FRMPD4: variants seen among roughly 807,000 people sequenced by gnomAD.
FRMPD4 encodes FERM and PDZ domain-containing protein 4.
In FRMPD4, 22 loss-of-function variants were observed where a neutral mutation model predicts 94.1. That is an observed-to-expected ratio of 0.23 (90% CI 0.17 to 0.33). The LOEUF (loss-of-function observed/expected upper bound fraction) is 0.33. FRMPD4 is among the 10% of genes least tolerant of loss of function. The pLI, the probability that FRMPD4 is intolerant of heterozygous loss-of-function variation, is 1.00. For missense variants in FRMPD4, 1,111 were observed against 1,339.9 expected, an observed-to-expected ratio of 0.83 and a Z score of 2.67; for synonymous variants, 631 against 548.6, an observed-to-expected ratio of 1.15 and a Z score of -2.10.
At position 12,266,415 on chromosome X, in the gene FRMPD4, G is replaced by A. The variant is rs575814231; in HGVS notation, c.41+127403G>A. 9.0e-5 allele frequency among the ~76,000 whole-genome samples: 10 copies of A among 111,235 alleles called. No homozygotes were observed. The South Asian group carries it at 3.4e-3, about 38-fold the overall frequency. ...CTTATGATTCTTATCCTTCTGCTGG[G>A]ACCAGTGGGTCAGTGTAGACATGCC... On this transcript the variant is annotated intron_variant, in intron 1 of 16. Coordinates refer to ENST00000675598, the MANE Select transcript of FRMPD4 (RefSeq NM_001368397.1).
At chrX:12,017,104 T>C (rs967074686) in intron 3 of FRMPD4, among the ~76,000 whole-genome samples, 2 of 112,167 alleles carry the variant, frequency 1.8e-5, no homozygotes, top group Non-Finnish European at 3.8e-5. Context: ...GTACGCTTCC[T>C]TACTGGCTTA....
intron 3 of FRMPD4, among the ~76,000 whole-genome samples, chrX:11,921,032 T>C (rs2054052966): frequency 8.9e-6 from 1 of 112,209 alleles, no homozygotes; most frequent in Admixed American, 9.4e-5. Flanking sequence ...TTGCCCCCAA[T>C]TGTTTAAAGT....
intron 3 of FRMPD4, among the ~76,000 whole-genome samples, chrX:11,921,855 T>G (rs138136864): frequency 2.6e-4 from 29 of 112,378 alleles, no homozygotes; most frequent in African/African-American, 9.4e-4. Flanking sequence ...TCATAAAAAT[T>G]TGTTTCTTGC....
At position 12,059,914 on chromosome X, in the gene FRMPD4, CAT is replaced by C. The variant is rs753446265; in HGVS notation, c.95+181897_95+181898del. Among the ~76,000 whole-genome samples, 14 of 110,695 alleles carry C rather than the reference CAT, an allele frequency of 1.3e-4. No individual in the cohort carries two copies. The East Asian group carries it at 2.5e-3, about 20-fold the overall frequency. On this transcript the variant is annotated intron_variant, in intron 3 of 18. Transcript: ENST00000640291. The stretch of plus-strand genomic sequence containing the variant: ...GCTATTGTGAATAGCGTACAATAAA[CAT>C]GTGAGTGTATGTGTGTTTTTGGTAG...
intron 2 of FRMPD4, among the ~76,000 whole-genome samples, chrX:12,569,404 T>C (rs2058741311): frequency 9.0e-6 from 1 of 111,469 alleles, no homozygotes; most frequent in South Asian, 3.8e-4. Context: ...AAACCCAGAG[T>C]TCAGATTTTT....
intron 4 of FRMPD4, among the ~76,000 whole-genome samples, chrX:12,671,059 T>C (rs972897218): frequency 4.5e-5 from 5 of 112,144 alleles, no homozygotes; most frequent in African/African-American, 1.6e-4. Context: ...CCAGTTAGAA[T>C]GGCGATCATT....
At chrX:12,590,401 C>T (rs1255073190) in intron 2 of FRMPD4, among the ~76,000 whole-genome samples, 1 of 111,828 alleles carries the variant, frequency 8.9e-6, no homozygotes, top group African/African-American at 3.2e-5. Context: ...TGGAAAAAAG[C>T]CTTTCAAAAG....
chrX:12,372,926 T>A (rs893524592), intron 1 of FRMPD4, among the ~76,000 whole-genome samples: 1 of 111,594 alleles, frequency 9.0e-6, no homozygotes, highest in Non-Finnish European at 1.9e-5. Flanking sequence ...TGGGACTGGG[T>A]CCTCAGGACA....
chrX:12,706,073 A>G (rs1023642048), intron 11 of FRMPD4, among the ~76,000 whole-genome samples: 1 of 105,938 alleles, frequency 9.4e-6, no homozygotes, highest in East Asian at 2.8e-4. Flanking sequence ...CACATTCAGT[A>G]TGAAACATGG....
intron 1 of FRMPD4, among the ~76,000 whole-genome samples, chrX:12,347,374 T>C (rs1203552062): frequency 9.1e-6 from 1 of 110,291 alleles, no homozygotes; most frequent in Non-Finnish European, 1.9e-5. Flanking sequence ...AGTAGCTAGG[T>C]CTACAGGTGC....
chrX:12,096,616 G>T (rs777854515), intron 3 of FRMPD4, among the ~76,000 whole-genome samples: 27 of 111,882 alleles, frequency 2.4e-4, no homozygotes, highest in Non-Finnish European at 4.3e-4. Context: ...TTGTGCAGTG[G>T]CTCATGCCTA....
chrX:12,274,337 A>C (rs1448773982), intron 1 of FRMPD4, among the ~76,000 whole-genome samples: 2 of 111,678 alleles, frequency 1.8e-5, no homozygotes, highest in East Asian at 5.6e-4. Flanking sequence ...GTAGCCTTGC[A>C]ACTGGGGTCC....
intron 6 of FRMPD4, 152 bp downstream of exon 6, chrX:12,683,739 G>C (rs1287532162): frequency 1.2e-5 from 5 of 405,087 alleles, no homozygotes; most frequent in Non-Finnish European, 2.2e-5. Context: ...GTTGTAAAGG[G>C]CTTGAGAGTT....
chrX:12,017,528 C>T (rs1478703887), intron 3 of FRMPD4, among the ~76,000 whole-genome samples: 1 of 111,933 alleles, frequency 8.9e-6, no homozygotes. Flanking sequence ...TGAAAGAGCT[C>T]GTTCAGGCCC....
chrX:12,455,172 C>T (rs1163551684), intron 1 of FRMPD4, among the ~76,000 whole-genome samples: 1 of 110,605 alleles, frequency 9.0e-6, no homozygotes, highest in African/African-American at 3.3e-5. Flanking sequence ...TAAAATTATA[C>T]CAAAATAAAA....
chrX:12,250,925 CT>C (rs1331557339), intron 1 of FRMPD4, among the ~76,000 whole-genome samples: 1 of 111,713 alleles, frequency 9.0e-6, no homozygotes, highest in South Asian at 3.8e-4. Context: ...CAGGGCCTGT[CT>C]TTCCATCATT....
chrX:11,971,461 C>G (rs2054339903), intron 3 of FRMPD4, among the ~76,000 whole-genome samples: 1 of 112,721 alleles, frequency 8.9e-6, no homozygotes, highest in African/African-American at 3.2e-5. Context: ...ATGGCAGGGT[C>G]TGTGTTTCAT....
chrX:11,994,105 AT>A (rs776510158), intron 3 of FRMPD4, among the ~76,000 whole-genome samples: 179 of 110,628 alleles, frequency 1.6e-3, no homozygotes, highest in Non-Finnish European at 1.1e-3. Context: ...GTGTCTAGGG[AT>A]TTTTTGTTTT....
At chrX:12,015,745 A>G (rs945905704) in intron 3 of FRMPD4, among the ~76,000 whole-genome samples, 5 of 112,219 alleles carry the variant, frequency 4.5e-5, no homozygotes, top group African/African-American at 1.6e-4. Flanking sequence ...TGACTTGGGT[A>G]GCTTTTGCCT....
Sources: allele counts gnomAD v4.1 joint callset (sites outside exome capture counted in the v4.1 genomes callset), GRCh38; gene constraint gnomAD v4.1.1; transcripts MANE v1.5; gene names NCBI Gene and HGNC (gene_info 2026-07-23, HGNC 2026-07-21).